FBXW8: variants seen among roughly 807,000 people sequenced by gnomAD.
FBXW8 encodes F-box and WD repeat domain containing 8, also known as F-box/WD repeat-containing protein 8.
FBXW8 carries 57 observed loss-of-function variants against 65.3 expected under a neutral mutation model. The observed-to-expected ratio is 0.87, with a 90% confidence interval of 0.71 to 1.09. FBXW8 has a LOEUF of 1.09. FBXW8 is among the 50% of genes least tolerant of loss of function. The probability of loss-of-function intolerance (pLI) is 0.00; values close to 1 mark genes in which losing one functional copy is unlikely to be tolerated. For missense variants in FBXW8, 777 were observed against 814.8 expected, an observed-to-expected ratio of 0.95 and a Z score of 0.57; for synonymous variants, 308 against 330.2, an observed-to-expected ratio of 0.93 and a Z score of 0.73.
intron 5 of FBXW8, among the ~76,000 whole-genome samples, chr12:116,966,962 C>T (rs4767483): frequency 6.6e-6 from 1 of 151,892 alleles, no homozygotes; most frequent in African/African-American, 2.4e-5. Context: ...TAAAATGCTT[C>T]GCAAGTGATT....
intron 7 of FBXW8, among the ~76,000 whole-genome samples, chr12:117,009,259 G>A (rs769251484): frequency 2.3e-4 from 35 of 152,072 alleles, no homozygotes; most frequent in Non-Finnish European, 3.7e-4. Flanking sequence ...AGGCCGTGGT[G>A]TTACACACAC....
Position 116,985,431 on chromosome 12 carries a change from T to C in FBXW8, c.1032+29T>C, listed in dbSNP as rs1283634074. 7 of 1,601,252 alleles carry C rather than the reference T, an allele frequency of 4.4e-6. No homozygotes were observed. In the East Asian group the frequency reaches 1.6e-4, roughly 36 times the overall value. On this transcript the variant is annotated intron_variant, in intron 6 of 10. Coordinates refer to ENST00000652555, the MANE Select transcript of FBXW8 (RefSeq NM_153348.3). The stretch of plus-strand genomic sequence containing the variant: ...AGCTTTTTAGTCTGGTCATCTTATT[T>C]TCTATTCTTAGAATCTCTGGGTCTA...
At chr12:117,007,363 G>A (rs1256841453) in intron 7 of FBXW8, among the ~76,000 whole-genome samples, 1 of 152,068 alleles carries the variant, frequency 6.6e-6, no homozygotes, top group African/African-American at 2.4e-5. Flanking sequence ...GCAAGCCAAA[G>A]AGGAGGAAAA....
chr12:117,010,520 G>A, intron 8 of FBXW8, 70 bp downstream of exon 8: 2 of 1,602,426 alleles, frequency 1.2e-6, no homozygotes, highest in Admixed American at 1.7e-5. Flanking sequence ...CCACTGCGCT[G>A]CTCACACTGC....
At chr12:116,980,578 C>T (rs1266099128) in intron 5 of FBXW8, among the ~76,000 whole-genome samples, 2 of 152,114 alleles carry the variant, frequency 1.3e-5, no homozygotes, top group Non-Finnish European at 2.9e-5. Flanking sequence ...ATTGCTAGGT[C>T]CGCAGTATGA....
intron 5 of FBXW8, among the ~76,000 whole-genome samples, chr12:116,970,282 G>A (rs1245702273): frequency 2.6e-5 from 4 of 152,182 alleles, no homozygotes; most frequent in Non-Finnish European, 4.4e-5. Context: ...GAGGAGAGAC[G>A]CGATCTGGTG....
In FBXW8 at chr12:116,911,068, C is replaced by A. The variant is rs374397512; in HGVS notation, c.31C>A (p.Arg11=). 1.4e-5 allele frequency: 20 copies of A among 1,449,122 alleles called. No individual in the cohort carries two copies. The East Asian group carries it at 5.7e-4, about 42-fold the overall frequency. The allele number at this position is 1,449,122 out of a possible 1,614,324, so 89.8% of individuals were successfully genotyped here. The part of the protein sequence containing the change: MDDYSLDEFR[R]RWQEELAQAQ... ...CGACTACAGCCTGGATGAGTTCCGTCGGCGCTGGCAGGAGGAGCTGGCGCA... is the reference window on the plus strand; with the variant it reads ...CGACTACAGCCTGGATGAGTTCCGTAGGCGCTGGCAGGAGGAGCTGGCGCA... The change falls in exon 1 of 11, where the codon CGG becomes AGG. Residue 11 remains arginine, a synonymous_variant. Transcript: ENST00000652555.
chr12:116,929,342 C>T (rs1881586135), intron 2 of FBXW8, among the ~76,000 whole-genome samples: 1 of 152,150 alleles, frequency 6.6e-6, no homozygotes, highest in Non-Finnish European at 1.5e-5. Context: ...TCAAGCTATT[C>T]TCTTGCCTCA....
chr12:116,947,201 G>A (rs758771854), intron 3 of FBXW8, among the ~76,000 whole-genome samples: 1 of 152,158 alleles, frequency 6.6e-6, no homozygotes, highest in Non-Finnish European at 1.5e-5. Flanking sequence ...TGTCTATTTA[G>A]TATTTATTTC....
chr12:116,974,124 G>T (rs996314326), intron 5 of FBXW8, among the ~76,000 whole-genome samples: 1 of 152,208 alleles, frequency 6.6e-6, no homozygotes, highest in Admixed American at 6.5e-5. Context: ...GACTTGAGGA[G>T]GCCCCAGTGA....
chr12:116,973,719 G>A (rs1884764641), intron 5 of FBXW8, among the ~76,000 whole-genome samples: 1 of 152,198 alleles, frequency 6.6e-6, no homozygotes. Flanking sequence ...GGAAAGAGAA[G>A]AGAGACCTGA....
chr12:116,921,362 C>T (rs536782780), intron 1 of FBXW8, among the ~76,000 whole-genome samples: 8 of 152,294 alleles, frequency 5.3e-5, no homozygotes, highest in South Asian at 2.1e-4. Context: ...TGTTAAGAGA[C>T]GAATTGTTTT....
In FBXW8 at chr12:117,028,130, C is replaced by A. The variant is rs113291277; in HGVS notation, c.1755C>A (p.His585Gln). The change falls in exon 11 of 11, where the codon CAC becomes CAA. Residue 585 changes from histidine (H) to glutamine (Q), a missense_variant. Transcript: ENST00000652555. The surrounding 1 kb of genome is among the most constrained non-coding windows in gnomAD (Gnocchi z 4.1). ...CRSSCDAMAT[H>Q]YYDLALAFPY... Reference sequence around the variant, plus strand: ...CATCCTGTGACGCCATGGCCACTCACTACTACGACCTCGCACTGGCCTTTC... The same window carrying A: ...CATCCTGTGACGCCATGGCCACTCAATACTACGACCTCGCACTGGCCTTTC... 1 of 1,614,064 alleles carries A rather than the reference C, an allele frequency of 6.2e-7. No homozygotes were observed. The highest frequency in any genetic ancestry group is 8.5e-7 in the Non-Finnish European group (1 of 1,180,030).
intron 5 of FBXW8, chr12:116,979,446 G>C (rs893725841): frequency 1.3e-5 from 2 of 152,316 alleles, no homozygotes; most frequent in African/African-American, 2.4e-5. Flanking sequence ...CCTGGCTGCT[G>C]CTTGTCAAGG....
chr12:116,923,702 T>G (rs1020812393), intron 1 of FBXW8, among the ~76,000 whole-genome samples: 1 of 148,900 alleles, frequency 6.7e-6, no homozygotes, highest in Non-Finnish European at 1.5e-5. Context: ...TTTTTGTATT[T>G]TTAATTAATT....
intron 7 of FBXW8, among the ~76,000 whole-genome samples, chr12:116,997,193 A>G (rs898985177): frequency 6.6e-6 from 1 of 152,224 alleles, no homozygotes; most frequent in Non-Finnish European, 1.5e-5. Context: ...CAGAGCGAGA[A>G]ACCTCTGGCT....
At chr12:116,912,171 G>GTTTTTTTT (rs57142470) in intron 1 of FBXW8, among the ~76,000 whole-genome samples, 3 of 131,024 alleles carry the variant, frequency 2.3e-5, no homozygotes, top group African/African-American at 5.4e-5. Flanking sequence ...TTTTTTTCCT[G>GTTTTTTTT]TTTTTTTTTT....
chr12:116,947,240 A>G (rs1032727672), intron 3 of FBXW8, among the ~76,000 whole-genome samples: 1 of 152,198 alleles, frequency 6.6e-6, no homozygotes. Context: ...GTGTTAGGTA[A>G]GTACTCACTA....
chr12:116,928,228 T>C (rs1489834615), intron 2 of FBXW8, 101 bp downstream of exon 2: 1 of 801,198 alleles, frequency 1.2e-6, no homozygotes, highest in Non-Finnish European at 2.1e-6. Context: ...TTATAAACTT[T>C]GCAGAATTAA....
Sources: gnomAD v4.1 joint callset for allele counts (sites outside exome capture counted in the v4.1 genomes callset) on GRCh38, gnomAD v4.1.1 for gene constraint, Gnocchi (gnomAD v3.1) non-coding constraint, MANE v1.5 for transcripts, NCBI Gene and HGNC (gene_info 2026-07-23, HGNC 2026-07-21) for gene names.